DNAAF4: variants seen among roughly 807,000 people sequenced by gnomAD.
The protein encoded by DNAAF4 is dynein axonemal assembly factor 4.
DNAAF4 carries 43 observed loss-of-function variants against 51.8 expected under a neutral mutation model. That is an observed-to-expected ratio of 0.83 (90% confidence interval 0.65 to 1.07). The LOEUF (loss-of-function observed/expected upper bound fraction) is 1.07, where lower values mean the gene tolerates loss of function less well. Ranked by LOEUF, DNAAF4 falls within the 50% of genes least tolerant of loss-of-function variation. The pLI, the probability that DNAAF4 is intolerant of heterozygous loss-of-function variation, is 0.00. For synonymous variants in DNAAF4, 194 were observed against 165.6 expected (o/e 1.17, Z -1.32); for missense variants, 581 against 493.0 (o/e 1.18, Z -1.69).
chr15:55,418,438 C>A, intron 7 of DNAAF4: 1 of 1,522,938 alleles, frequency 6.6e-7, no homozygotes, highest in Non-Finnish European at 8.8e-7. Context: ...TTTTCCCCTG[C>A]AATTATACTC....
At position 55,505,101 on chromosome 15, in the gene DNAAF4, A is replaced by G. The variant is rs567700670; in HGVS notation, c.-256+3021T>C. 7.8e-4 allele frequency among the ~76,000 whole-genome samples: 118 copies of G among 152,106 alleles called. 1 individual carries two copies. The highest frequency in any genetic ancestry group is 2.6e-3 in the African/African-American group (108 of 41,508). On this transcript the variant is annotated intron_variant, in intron 1 of 9. Transcript: ENST00000321149. The stretch of plus-strand genomic sequence containing the variant: ...AAAAAAACAACCCCATCAAAAAGTG[A>G]GCAAAGGATATGAACAGACACTTCT...
chr15:55,474,861 C>G (rs1218928566), intron 4 of DNAAF4, among the ~76,000 whole-genome samples: 1 of 152,040 alleles, frequency 6.6e-6, no homozygotes, highest in Non-Finnish European at 1.5e-5. Context: ...ACGCCGTAAT[C>G]CCAGCTACTC....
chr15:55,424,244 T>C (rs1442702575), intron 7 of DNAAF4, among the ~76,000 whole-genome samples: 3 of 152,226 alleles, frequency 2.0e-5, no homozygotes, highest in African/African-American at 7.2e-5. Context: ...TTGCATGCTG[T>C]CTTACTATGT....
intron 3 of DNAAF4, among the ~76,000 whole-genome samples, chr15:55,492,061 T>G (rs1276070727): frequency 9.2e-5 from 14 of 151,654 alleles, no homozygotes; most frequent in Admixed American, 9.2e-4. Flanking sequence ...CTCACTATAT[T>G]GCCCAGGCTG....
chr15:55,491,905 G>A (rs2058580427), intron 3 of DNAAF4, among the ~76,000 whole-genome samples: 1 of 150,460 alleles, frequency 6.6e-6, no homozygotes, highest in African/African-American at 2.4e-5. Context: ...CCAGGCTGCT[G>A]GAGTGCAGTT....
Position 55,491,155 on chromosome 15 carries a change from C to A in DNAAF4, c.373G>T (p.Asp125Tyr). The A allele has an allele frequency of 6.2e-7, 1 of 1,614,038 alleles. No individual in the cohort carries two copies. Among genetic ancestry groups the A allele is most frequent in the Non-Finnish European group, 8.5e-7 (1 of 1,179,992 alleles). Residue 125 changes from aspartate (D) to tyrosine (Y), a missense_variant, in exon 4 of 10, where the codon GAT becomes TAT. Physicochemically the swap from Asp to Tyr is radical, Grantham distance 160 (BLOSUM62 -3). Transcript: ENST00000321149. ...TEAKAAAKRE[D>Y]QKYALSVMMK... The stretch of plus-strand genomic sequence containing the variant: ...ATGACACTTAGTGCGTATTTTTGAT[C>A]TTCCCGCTTTGCTGCAGCTTTTGCT...
intron 3 of DNAAF4, among the ~76,000 whole-genome samples, chr15:55,497,028 CT>C (rs953034333): frequency 6.6e-6 from 1 of 152,154 alleles, no homozygotes; most frequent in Non-Finnish European, 1.5e-5. Context: ...TTGTTAAAAG[CT>C]ATCACATTTC....
chr15:55,484,841 C>T (rs1280980131), intron 4 of DNAAF4, among the ~76,000 whole-genome samples: 2 of 152,146 alleles, frequency 1.3e-5, no homozygotes, highest in Non-Finnish European at 2.9e-5. Flanking sequence ...AGGCCAGTCT[C>T]GTCTTTTCAT....
In DNAAF4 at chr15:55,443,308, T is replaced by C. The variant is rs567375144; in HGVS notation, c.784-3727A>G. ...CAGGCGCCTGCCTACCGGTGGCGGC[T>C]GGCAAAGGGCCCCCAGCGTGCGGAG... On this transcript the variant is annotated intron_variant, in intron 6 of 9. Coordinates refer to ENST00000321149, the MANE Select transcript of DNAAF4 (RefSeq NM_130810.4). 3.7e-4 allele frequency: 488 copies of C among 1,320,428 alleles called. 1 individual carries two copies. In the African/African-American group the frequency reaches 6.7e-3, roughly 18 times the overall value. The allele number at this position is 1,320,428 out of a possible 1,614,324, so 81.8% of individuals were successfully genotyped here.
At chr15:55,479,894 C>T (rs1449042511) in intron 4 of DNAAF4, among the ~76,000 whole-genome samples, 1 of 152,084 alleles carries the variant, frequency 6.6e-6, no homozygotes, top group African/African-American at 2.4e-5. Context: ...ACTCTTGAAT[C>T]CTGTGTTCTG....
Position 55,430,438 on chromosome 15 carries a change from T to G in DNAAF4, c.*232A>C. 2 of 1,011,708 alleles carry G rather than the reference T, an allele frequency of 2.0e-6. No homozygotes were observed. The highest frequency in any genetic ancestry group is 2.4e-6 in the Non-Finnish European group (2 of 830,500). The allele number at this position is 1,011,708 out of a possible 1,614,324, so 62.7% of individuals were successfully genotyped here. On this transcript the variant is annotated 3_prime_UTR_variant, in exon 10 of 10. Transcript: ENST00000321149. ...TCAGTAACACAAAAAAGTATACATA[T>G]GTATTAATATGAAGAAATAAGGAAT...
chr15:55,482,987 A>G (rs1396876624), intron 4 of DNAAF4, among the ~76,000 whole-genome samples: 3 of 152,242 alleles, frequency 2.0e-5, no homozygotes, highest in African/African-American at 7.2e-5. Context: ...TGAAATGTCT[A>G]GAGTAAACAA....
chr15:55,431,475 T>C (rs1172278589), intron 9 of DNAAF4, among the ~76,000 whole-genome samples: 2 of 129,390 alleles, frequency 1.5e-5, no homozygotes, highest in Non-Finnish European at 3.5e-5. Flanking sequence ...ATATTTTATC[T>C]TTTTTTTTTT....
chr15:55,499,077 T>G (rs1458206673), intron 1 of DNAAF4, among the ~76,000 whole-genome samples: 7 of 152,202 alleles, frequency 4.6e-5, no homozygotes, highest in Non-Finnish European at 1.0e-4. Context: ...TGTCTGTTTA[T>G]TCTGACTGAG....
chr15:55,500,132 T>C (rs2058687752), intron 1 of DNAAF4, among the ~76,000 whole-genome samples: 1 of 152,162 alleles, frequency 6.6e-6, no homozygotes, highest in African/African-American at 2.4e-5. Context: ...ACTTATTTAC[T>C]TTTGGAAGCC....
chr15:55,432,420 C>G, intron 9 of DNAAF4, 77 bp downstream of exon 9: 1 of 1,199,954 alleles, frequency 8.3e-7, no homozygotes, highest in East Asian at 2.4e-5. Flanking sequence ...CCTTAAAAGT[C>G]ACGATCTTAA....
intron 5 of DNAAF4, among the ~76,000 whole-genome samples, chr15:55,456,693 A>C (rs1044254141): frequency 6.6e-6 from 1 of 152,230 alleles, no homozygotes; most frequent in Non-Finnish European, 1.5e-5. Context: ...GTGAGTTCCC[A>C]AAGTGTGAGG....
intron 4 of DNAAF4, among the ~76,000 whole-genome samples, chr15:55,489,437 G>A (rs911053847): frequency 2.6e-5 from 4 of 152,072 alleles, no homozygotes; most frequent in Non-Finnish European, 5.9e-5. Flanking sequence ...ACTTTGGGAG[G>A]CCAAGGCGGG....
chr15:55,482,904 A>T (rs746328298), intron 4 of DNAAF4, among the ~76,000 whole-genome samples: 1 of 152,126 alleles, frequency 6.6e-6, no homozygotes, highest in South Asian at 2.1e-4. Flanking sequence ...AGCCCTATAT[A>T]CATTTTGCTA....
Sources: allele counts gnomAD v4.1 joint callset (sites outside exome capture counted in the v4.1 genomes callset), GRCh38; gene constraint gnomAD v4.1.1; transcripts MANE v1.5; gene names NCBI Gene and HGNC (gene_info 2026-07-23, HGNC 2026-07-21).